The following ANKRD12 variants were observed in gnomAD, a reference collection of about 807,000 sequenced individuals.
ANKRD12 encodes the protein ankyrin repeat domain 12.
Under a neutral mutation model 183.4 loss-of-function variants are expected in ANKRD12, and 85 were observed. The ratio of observed to expected loss-of-function variants is 0.46; its 90% CI spans 0.39 to 0.56. The LOEUF (loss-of-function observed/expected upper bound fraction) is 0.56. ANKRD12 is among the 20% of genes least tolerant of loss of function. The pLI is 0.00. For synonymous variants in ANKRD12, 914 were observed against 800.2 expected, an observed-to-expected ratio of 1.14 and a Z score of -2.40; for missense variants, 2,405 against 2,357.1, an observed-to-expected ratio of 1.02 and a Z score of -0.42.
intron 1 of ANKRD12, among the ~76,000 whole-genome samples, chr18:9,155,832 T>C (rs954065152): frequency 1.3e-5 from 2 of 152,150 alleles, no homozygotes; most frequent in African/African-American, 4.8e-5. Context: ...GTTGCAAATG[T>C]TTTCACTTGT....
chr18:9,183,635 C>T (rs2033850439), intron 2 of ANKRD12, among the ~76,000 whole-genome samples: 1 of 152,048 alleles, frequency 6.6e-6, no homozygotes, highest in Admixed American at 6.6e-5. Context: ...GGACTTTCTA[C>T]ATATGGAATC....
At chr18:9,177,295 G>A (rs994142979) in intron 1 of ANKRD12, among the ~76,000 whole-genome samples, 2 of 152,146 alleles carry the variant, frequency 1.3e-5, no homozygotes, top group South Asian at 2.1e-4. Context: ...GCAAGTGGCC[G>A]TACCGCTATG....
chr18:9,180,347 A>G (rs925710161), intron 1 of ANKRD12, among the ~76,000 whole-genome samples: 3 of 151,956 alleles, frequency 2.0e-5, no homozygotes, highest in African/African-American at 7.3e-5. Flanking sequence ...TAACCTACCT[A>G]TTATTATATT....
In ANKRD12 at chr18:9,137,308, G is replaced by A. The variant is rs185200386; in HGVS notation, c.-52+343G>A. On this transcript the variant is annotated intron_variant, in intron 1 of 12. Coordinates refer to ENST00000262126, the MANE Select transcript of ANKRD12 (RefSeq NM_015208.5). ...GGGCGGGGGCGCTGCGCGGGGCGGG[G>A]CGGGGGCCGGGCGGAGGGCCGCGAG... is the stretch of plus-strand genomic sequence containing the variant. Among the ~76,000 whole-genome samples, 1,180 of 146,632 alleles carry A rather than the reference G, an allele frequency of 8.0e-3. 7 individuals are homozygous for A. The highest frequency in any genetic ancestry group is 0.052 in the Middle Eastern group (15 of 290).
At chr18:9,240,979 A>G (rs2037624946) in intron 8 of ANKRD12, among the ~76,000 whole-genome samples, 1 of 152,176 alleles carries the variant, frequency 6.6e-6, no homozygotes, top group Admixed American at 6.5e-5. Context: ...TTCAGGAACT[A>G]TGAAAATACA....
chr18:9,202,186 T>A (rs1301555499), intron 3 of ANKRD12, among the ~76,000 whole-genome samples: 4 of 152,190 alleles, frequency 2.6e-5, no homozygotes, highest in African/African-American at 4.8e-5. Flanking sequence ...CAGTATGATG[T>A]GTTCACAAAG....
chr18:9,144,923 TTAA>T (rs1436708869), intron 1 of ANKRD12, among the ~76,000 whole-genome samples: 1 of 152,110 alleles, frequency 6.6e-6, no homozygotes, highest in Non-Finnish European at 1.5e-5. Flanking sequence ...TGTATACATA[TTAA>T]TATGTGTATC....
At chr18:9,166,531 G>A (rs1470825015) in intron 1 of ANKRD12, among the ~76,000 whole-genome samples, 1 of 152,160 alleles carries the variant, frequency 6.6e-6, no homozygotes, top group Admixed American at 6.5e-5. Flanking sequence ...TTTGAGAAGT[G>A]TCTGTTCATA....
Position 9,257,346 on chromosome 18 carries a change from C to T in ANKRD12, c.4079C>T (p.Ser1360Leu). Residue 1360 changes from serine to leucine, a missense_variant, in exon 9 of 13, where the codon TCA (serine) becomes TTA (leucine). Coordinates refer to ENST00000262126, the MANE Select transcript of ANKRD12 (RefSeq NM_015208.5). The part of the protein sequence containing the change: ...VFSNVPERDL[S>L]NVSNIHSSFA... ...TCAAATGTGCCTGAAAGAGACCTTT[C>T]AAATGTATCTAACATACATTCCAGT... 6.2e-7 allele frequency: 1 copy of T among 1,614,140 alleles called. No individual in the cohort carries two copies. Among genetic ancestry groups the T allele is most frequent in the Non-Finnish European group, 8.5e-7 (1 of 1,179,992 alleles).
intron 8 of ANKRD12, 97 bp from the exon 9 acceptor site, chr18:9,254,114 A>G (rs1567968520): frequency 3.1e-6 from 4 of 1,271,302 alleles, no homozygotes; most frequent in Non-Finnish European, 4.1e-6. Context: ...TGAAATATGT[A>G]TTGTATAAGC....
At position 9,256,529 on chromosome 18, in the gene ANKRD12, G is replaced by A; in HGVS notation, c.3262G>A (p.Asp1088Asn). The A allele has an allele frequency of 6.2e-7, 1 of 1,607,022 alleles. No homozygotes were observed. Among genetic ancestry groups the A allele is most frequent in the Non-Finnish European group, 8.5e-7 (1 of 1,178,242 alleles). Residue 1088 changes from aspartate to asparagine, a missense_variant, in exon 9 of 13, where the codon GAC (aspartate) becomes AAC (asparagine). By Grantham distance (23) the Asp-to-Asn change is conservative. Coordinates refer to ENST00000262126, the MANE Select transcript of ANKRD12 (RefSeq NM_015208.5). Reference protein sequence around the residue: ...TSFERMLSLKDLEIEQWHKKH... With the variant: ...TSFERMLSLKNLEIEQWHKKH... ...TTTTGAACGAATGCTAAGCCTTAAA[G>A]ACCTAGAAATAGAACAGTGGCACAA...
In ANKRD12 at chr18:9,285,617, G is replaced by A. The variant is rs1378417208; in HGVS notation, c.*4491G>A. 6.6e-6 allele frequency: 1 copy of A among 151,896 alleles called. No homozygotes were observed. Among genetic ancestry groups the A allele is most frequent in the Non-Finnish European group, 1.5e-5 (1 of 67,974 alleles). The allele number at this position is 151,896 out of a possible 1,614,324, so 9.4% of individuals were successfully genotyped here. On this transcript the variant is annotated 3_prime_UTR_variant, in exon 13 of 13. Transcript: ENST00000262126. The stretch of plus-strand genomic sequence containing the variant: ...GGCAGTTTGATAAATCCTGACAAAT[G>A]TAAACACTCATGTTACCATCACCCA...
chr18:9,158,469 G>C (rs1165819334), intron 1 of ANKRD12, among the ~76,000 whole-genome samples: 1 of 152,160 alleles, frequency 6.6e-6, no homozygotes, highest in Non-Finnish European at 1.5e-5. Flanking sequence ...GTACAGTGAG[G>C]TAAGTGTAGG....
chr18:9,182,561 G>A (rs771460140), intron 2 of ANKRD12, 42 bp downstream of exon 2: 3 of 1,300,674 alleles, frequency 2.3e-6, no homozygotes, highest in South Asian at 2.8e-5. Flanking sequence ...TTTGAACTGG[G>A]AAAAAGACTC....
intron 6 of ANKRD12, 30 bp from the exon 7 acceptor site, chr18:9,216,728 A>G: frequency 1.2e-6 from 2 of 1,606,012 alleles, no homozygotes; most frequent in Middle Eastern, 1.7e-4. Flanking sequence ...AGCGCAAGTG[A>G]ATCATGTTAA....
At position 9,182,285 on chromosome 18, in the gene ANKRD12, A is replaced by G. The variant is rs2033750036; in HGVS notation, c.-51-97A>G. 1.4e-5 allele frequency: 5 copies of G among 357,162 alleles called. No homozygotes were observed. The South Asian group carries it at 3.9e-4, about 28-fold the overall frequency. The allele number at this position is 357,162 out of a possible 1,614,324, so 22.1% of individuals were successfully genotyped here. On this transcript the variant is annotated intron_variant, in intron 1 of 12. Coordinates refer to ENST00000262126, the MANE Select transcript of ANKRD12 (RefSeq NM_015208.5). The stretch of plus-strand genomic sequence containing the variant: ...GATAGCCTCTTTGAGAAAATAAGGT[A>G]TCTTATGAAAACAGAGAGAAAACAA...
At chr18:9,253,334 C>G (rs1294538986) in intron 8 of ANKRD12, among the ~76,000 whole-genome samples, 1 of 152,178 alleles carries the variant, frequency 6.6e-6, no homozygotes, top group Non-Finnish European at 1.5e-5. Context: ...TAACTCTCAT[C>G]TCCCCATTTC....
chr18:9,223,654 T>C (rs527916942), intron 8 of ANKRD12, among the ~76,000 whole-genome samples: 2 of 152,022 alleles, frequency 1.3e-5, no homozygotes, highest in South Asian at 2.1e-4. Context: ...GGAAAAAAAA[T>C]AAGAAAAGTA....
chr18:9,147,875 TACTC>T (rs1483228252), intron 1 of ANKRD12, among the ~76,000 whole-genome samples: 3 of 152,316 alleles, frequency 2.0e-5, no homozygotes, highest in East Asian at 1.9e-4. Flanking sequence ...TCACTGTACT[TACTC>T]TGTGAAATTT....
Sources: gnomAD v4.1 joint callset for allele counts (sites outside exome capture counted in the v4.1 genomes callset) on GRCh38, gnomAD v4.1.1 for gene constraint, MANE v1.5 for transcripts, NCBI Gene and HGNC (gene_info 2026-07-23, HGNC 2026-07-21) for gene names.